CCDC7: variants seen among roughly 807,000 people sequenced by gnomAD.
The protein encoded by CCDC7 is coiled-coil domain containing 7.
In CCDC7, 183 loss-of-function variants were observed where a neutral mutation model predicts 196.9. The observed-to-expected ratio is 0.93, with a 90% CI of 0.82 to 1.05. CCDC7 has a LOEUF of 1.05. CCDC7 is among the 50% of genes least tolerant of loss of function. The pLI is 0.00. For synonymous variants in CCDC7, 525 were observed against 484.6 expected (o/e 1.08, Z -1.10); for missense variants, 1,540 against 1,482.2 (o/e 1.04, Z -0.64).
At chr10:32,766,698 TC>T (rs1306726829) in intron 28 of CCDC7, among the ~76,000 whole-genome samples, 1 of 152,042 alleles carries the variant, frequency 6.6e-6, no homozygotes, top group Non-Finnish European at 1.5e-5. Flanking sequence ...TGTCTGACCC[TC>T]CAAATAGTTT....
intron 41 of CCDC7, among the ~76,000 whole-genome samples, chr10:32,872,178 G>A (rs1345847954): frequency 4.6e-5 from 7 of 152,142 alleles, no homozygotes; most frequent in African/African-American, 7.2e-5. Flanking sequence ...TTTCTGTCTC[G>A]TTGATCTGTC....
intron 33 of CCDC7, among the ~76,000 whole-genome samples, chr10:32,839,395 C>T (rs1174028545): frequency 2.0e-5 from 3 of 151,680 alleles, no homozygotes; most frequent in African/African-American, 2.4e-5. Context: ...AAACCAACAG[C>T]GGTTAAAAAT....
chr10:32,773,700 T>C (rs1471705220), intron 28 of CCDC7, among the ~76,000 whole-genome samples: 1 of 152,196 alleles, frequency 6.6e-6, no homozygotes, highest in Non-Finnish European at 1.5e-5. Flanking sequence ...CTGAAGGTTT[T>C]TTTGCTCTTT....
intron 18 of CCDC7, among the ~76,000 whole-genome samples, chr10:32,587,429 G>A (rs1364438581): frequency 6.6e-6 from 1 of 152,108 alleles, no homozygotes; most frequent in African/African-American, 2.4e-5. Context: ...GGACAAACTC[G>A]GGAGCCTACT....
At chr10:32,510,482 G>GTAT (rs1491232103) in intron 9 of CCDC7, among the ~76,000 whole-genome samples, 6 of 152,014 alleles carry the variant, frequency 3.9e-5, no homozygotes, top group African/African-American at 1.5e-4. Flanking sequence ...AACAATTATG[G>GTAT]TATTAATGAG....
chr10:32,683,683 A>C (rs1353731678), intron 21 of CCDC7, among the ~76,000 whole-genome samples: 1 of 152,008 alleles, frequency 6.6e-6, no homozygotes, highest in Non-Finnish European at 1.5e-5. Flanking sequence ...CACTGTAGAG[A>C]TCTTTCACCC....
chr10:32,511,272 G>GGGT, intron 9 of CCDC7: 3 of 770,826 alleles, frequency 3.9e-6, no homozygotes, highest in Non-Finnish European at 5.9e-6. Flanking sequence ...GGGGGGGGCG[G>GGGT]GGAAATGTAC....
intron 32 of CCDC7, among the ~76,000 whole-genome samples, chr10:32,831,417 T>A (rs2135894702): frequency 6.6e-6 from 1 of 152,328 alleles, no homozygotes; most frequent in Non-Finnish European, 1.5e-5. Context: ...AATTTATTTT[T>A]AAAAATCTTT....
chr10:32,707,072 T>C (rs2079906407), intron 24 of CCDC7, among the ~76,000 whole-genome samples: 1 of 152,198 alleles, frequency 6.6e-6, no homozygotes, highest in Non-Finnish European at 1.5e-5. Flanking sequence ...AAATCCTCAA[T>C]AAAATACTAG....
At chr10:32,873,276 T>C (rs906535335) in intron 41 of CCDC7, among the ~76,000 whole-genome samples, 1 of 152,070 alleles carries the variant, frequency 6.6e-6, no homozygotes, top group African/African-American at 2.4e-5. Context: ...TCGCTTCTTT[T>C]TATTCATTTG....
chr10:32,475,338 A>G (rs913015184), intron 8 of CCDC7, among the ~76,000 whole-genome samples: 14 of 152,132 alleles, frequency 9.2e-5, no homozygotes, highest in African/African-American at 2.9e-4. Flanking sequence ...TACTGCATTC[A>G]CTGTTTTCCA....
upstream of CCDC7, among the ~76,000 whole-genome samples, chr10:32,445,480 A>C (rs1374680707): frequency 6.6e-6 from 1 of 152,102 alleles, no homozygotes; most frequent in Non-Finnish European, 1.5e-5. Flanking sequence ...TATTCCTTTC[A>C]TTTACACACA....
At chr10:32,601,847 T>A (rs895263381) in intron 18 of CCDC7, among the ~76,000 whole-genome samples, 1 of 152,046 alleles carries the variant, frequency 6.6e-6, no homozygotes, top group Admixed American at 6.5e-5. Context: ...GCTAAAGGAT[T>A]GTAAATGCAC....
chr10:32,609,320 A>G (rs561695380), intron 18 of CCDC7, among the ~76,000 whole-genome samples: 1 of 152,154 alleles, frequency 6.6e-6, no homozygotes, highest in South Asian at 2.1e-4. Context: ...TAGAATTGTT[A>G]TATCCTCTGG....
intron 18 of CCDC7, among the ~76,000 whole-genome samples, chr10:32,601,990 A>G (rs1762517): frequency 0.34 from 52,408 of 152,052 alleles, 11,457 homozygotes; most frequent in Non-Finnish European, 0.5. Context: ...CCGAGCCAGC[A>G]GCGGCAACCT....
At chr10:32,660,173 G>T (rs1591259131) in intron 20 of CCDC7, among the ~76,000 whole-genome samples, 1 of 142,184 alleles carries the variant, frequency 7.0e-6, no homozygotes, top group African/African-American at 2.6e-5. Flanking sequence ...TGTGCACATT[G>T]TGCAGGTTAG....
chr10:32,498,352 C>T (rs1327963137), intron 9 of CCDC7, among the ~76,000 whole-genome samples: 1 of 152,038 alleles, frequency 6.6e-6, no homozygotes, highest in Non-Finnish European at 1.5e-5. Context: ...CAGTCTGTGT[C>T]TTTTGATTGC....
intron 28 of CCDC7, among the ~76,000 whole-genome samples, chr10:32,755,197 A>G (rs980076191): frequency 2.6e-5 from 4 of 152,242 alleles, no homozygotes; most frequent in Admixed American, 1.3e-4. Context: ...GGGGCAGGGT[A>G]GAGCTGAACA....
chr10:32,561,007 C>G (rs1030562220), intron 13 of CCDC7, among the ~76,000 whole-genome samples: 1 of 150,170 alleles, frequency 6.7e-6, no homozygotes, highest in African/African-American at 2.4e-5. Context: ...AAAAAAAAGG[C>G]AGGGATTGCA....
Sources: gnomAD v4.1 joint callset for allele counts (sites outside exome capture counted in the v4.1 genomes callset) on GRCh38, gnomAD v4.1.1 for gene constraint, MANE v1.5 for transcripts, NCBI Gene and HGNC (gene_info 2026-07-23, HGNC 2026-07-21) for gene names.